The following FAT3 variants were observed in gnomAD, a reference collection of about 807,000 sequenced individuals.
The protein encoded by FAT3 is FAT atypical cadherin 3, also known as protocadherin Fat 3.
A neutral mutation model predicts 310.2 loss-of-function variants in FAT3; 95 were observed. The observed-to-expected ratio is 0.31, with a 90% CI of 0.26 to 0.36. The LOEUF (loss-of-function observed/expected upper bound fraction) is 0.36, where lower values mean the gene tolerates loss of function less well. Among genes scored for constraint, FAT3 ranks in the 10% least tolerant of loss-of-function variants. The pLI, the probability that FAT3 is intolerant of heterozygous loss-of-function variation, is 1.00. For synonymous variants in FAT3, 2,314 were observed against 2,192.9 expected, an observed-to-expected ratio of 1.06 and a Z score of -1.54; for missense variants, 5,408 against 5,715.6, an observed-to-expected ratio of 0.95 and a Z score of 1.74.
At chr11:92,704,280 G>A (rs1439363434) in intron 4 of FAT3, among the ~76,000 whole-genome samples, 2 of 152,110 alleles carry the variant, frequency 1.3e-5, no homozygotes, top group Non-Finnish European at 2.9e-5. Flanking sequence ...ACCCAGCTCT[G>A]GACAAGGCTC....
intron 7 of FAT3, among the ~76,000 whole-genome samples, chr11:92,784,783 T>C (rs918567929): frequency 6.6e-6 from 1 of 152,098 alleles, no homozygotes; most frequent in African/African-American, 2.4e-5. Context: ...TGACTGTAGA[T>C]TAGGCGTAAG....
chr11:92,438,268 C>G (rs1347107260), intron 2 of FAT3, among the ~76,000 whole-genome samples: 3 of 152,058 alleles, frequency 2.0e-5, no homozygotes, highest in Non-Finnish European at 4.4e-5. Flanking sequence ...CCTTTGTGAT[C>G]TATGATTTTA....
chr11:92,354,440 T>C lies in FAT3; in HGVS notation c.2328T>C (p.Ile776=), dbSNP rs752332215. 1.2e-6 allele frequency: 2 copies of C among 1,613,770 alleles called. No individual in the cohort carries two copies. Among genetic ancestry groups the C allele is most frequent in the Non-Finnish European group, 1.7e-6 (2 of 1,179,854 alleles). ...SDGNTDSCFN[I]DMETGQLKVL... ...GAAATACGGATAGTTGCTTTAATAT[T>C]GATATGGAGACTGGGCAGCTTAAAG... Residue 776 remains isoleucine, a synonymous_variant, in exon 2 of 28, where the codon ATT becomes ATC. Coordinates refer to ENST00000525166, the MANE Select transcript of FAT3 (RefSeq NM_001367949.2).
At chr11:92,364,533 T>C (rs963076257) in intron 2 of FAT3, among the ~76,000 whole-genome samples, 1 of 152,242 alleles carries the variant, frequency 6.6e-6, no homozygotes, top group South Asian at 2.1e-4. Flanking sequence ...GGAAGAATTA[T>C]AGAGTTTGAT....
intron 22 of FAT3, among the ~76,000 whole-genome samples, chr11:92,878,634 T>TAAAAAAAAAAAAAAAAAAAAAAA (rs145900689): frequency 1.9e-4 from 4 of 21,230 alleles, no homozygotes; most frequent in African/African-American, 2.8e-4. Context: ...TGTTATGTGT[T>TAAAAAAAAAAAAAAAAAAAAAAA]AAAAAAAAAA....
At chr11:92,267,052 A>ACACTGCCTTGCCTGT (rs145567303) in intron 1 of FAT3, among the ~76,000 whole-genome samples, 28,958 of 151,862 alleles carry the variant, frequency 0.19, 3,242 homozygotes, top group African/African-American at 0.31. Context: ...TGCCTGCCTG[A>ACACTGCCTTGCCTGT]CACTGCCTTG....
chr11:92,764,746 C>G, intron 5 of FAT3, 133 bp from the exon 6 acceptor site: 1 of 788,170 alleles, frequency 1.3e-6, no homozygotes, highest in African/African-American at 1.7e-5. Context: ...CTCCCCAGAC[C>G]TCTGCTCCTT....
In FAT3 at chr11:92,440,822, A is replaced by G. The variant is rs138571308; in HGVS notation, c.3293-83812A>G. Among the ~76,000 whole-genome samples, 68 of 152,316 alleles carry G rather than the reference A, an allele frequency of 4.5e-4. 1 individual carries two copies. The highest frequency in any genetic ancestry group is 1.6e-3 in the African/African-American group (66 of 41,578). On this transcript the variant is annotated intron_variant, in intron 2 of 27. Coordinates refer to ENST00000525166, the MANE Select transcript of FAT3 (RefSeq NM_001367949.2). ...AAACATGCATTAACCTGAGAAGTAT[A>G]ATGGAATAGGCTTGCCTTTGTAAGT...
intron 3 of FAT3, among the ~76,000 whole-genome samples, chr11:92,539,687 T>A (rs1305145766): frequency 4.6e-5 from 7 of 152,262 alleles, no homozygotes; most frequent in Non-Finnish European, 7.4e-5. Context: ...GGAATTTTAG[T>A]CATATCTATT....
rs185715922 is a variant in FAT3, at chr11:92,439,089, A to G, written c.3292+83685A>G. Among the ~76,000 whole-genome samples, 731 of 152,344 alleles carry G rather than the reference A, an allele frequency of 4.8e-3. 2 individuals carry two copies. The highest frequency in any genetic ancestry group is 6.6e-3 in the Non-Finnish European group (446 of 68,032). The stretch of plus-strand genomic sequence containing the variant: ...TGGGAGAGGCTTACTTTGTTTTTGC[A>G]AAAGCATCAAGAATTTCAAAATCAA... On this transcript the variant is annotated intron_variant, in intron 2 of 27. Transcript: ENST00000525166.
intron 2 of FAT3, among the ~76,000 whole-genome samples, chr11:92,409,551 A>T (rs1481099063): frequency 6.6e-6 from 1 of 152,170 alleles, no homozygotes; most frequent in Non-Finnish European, 1.5e-5. Flanking sequence ...CCTGTAGAGC[A>T]CTTGTCAGTT....
chr11:92,283,254 T>A (rs1364339222), intron 1 of FAT3, among the ~76,000 whole-genome samples: 2 of 152,208 alleles, frequency 1.3e-5, no homozygotes, highest in Non-Finnish European at 2.9e-5. Flanking sequence ...GACTTATTAG[T>A]CAGTGACAAG....
intron 3 of FAT3, among the ~76,000 whole-genome samples, chr11:92,553,581 C>T (rs1023299435): frequency 6.6e-6 from 1 of 152,206 alleles, no homozygotes; most frequent in Non-Finnish European, 1.5e-5. Context: ...AATGAAGGAA[C>T]CTGGGCCTTG....
intron 4 of FAT3, among the ~76,000 whole-genome samples, chr11:92,715,109 TATTAAA>T (rs1195947615): frequency 6.6e-6 from 1 of 151,698 alleles, no homozygotes; most frequent in Admixed American, 6.6e-5. Flanking sequence ...GTTCTGGGAA[TATTAAA>T]ATTAAATTGG....
At chr11:92,703,219 G>T (rs1350242309) in intron 4 of FAT3, among the ~76,000 whole-genome samples, 3 of 152,082 alleles carry the variant, frequency 2.0e-5, no homozygotes, top group African/African-American at 7.2e-5. Context: ...CTTGCCTTAG[G>T]ATGCAAATTG....
chr11:92,353,871 A>G lies in FAT3; in HGVS notation c.1759A>G (p.Ile587Val), dbSNP rs766563317. The change falls in exon 2 of 28, where the codon ATT becomes GTT. Residue 587 changes from isoleucine to valine, a missense_variant. Around this residue, in one of 5 missense-constraint regions of FAT3, gnomAD observed 4,588 missense variants for 4,809.8 expected, o/e 0.95. Coordinates refer to ENST00000525166, the MANE Select transcript of FAT3 (RefSeq NM_001367949.2). ...LFEKVACQGV[I>V]SYDFPVGGHI... ...TGAAAAAGTGGCTTGCCAGGGAGTT[A>G]TTTCATATGACTTTCCAGTTGGTGG... The G allele has an allele frequency of 1.9e-6, 3 of 1,613,526 alleles. No homozygotes were observed. The highest frequency in any genetic ancestry group is 2.5e-6 in the Non-Finnish European group (3 of 1,179,674).
chr11:92,353,463 G>A lies in FAT3; in HGVS notation c.1351G>A (p.Glu451Lys), dbSNP rs867575086. The change falls in exon 2 of 28, where the codon GAA becomes AAA. Residue 451 changes from glutamate to lysine, a missense_variant. Glu to Lys is a moderately conservative substitution (Grantham distance 56, BLOSUM62 1). Transcript: ENST00000525166. ...EVYKLEVTNK[E>K]GDLKAQVTIS... is the part of the protein sequence containing the mutation. ...TTATAAACTGGAGGTGACAAACAAG[G>A]AAGGAGATTTAAAAGCACAGGTCAC... 1.2e-6 allele frequency: 2 copies of A among 1,613,482 alleles called. No homozygotes were observed. The highest frequency in any genetic ancestry group is 1.7e-6 in the Non-Finnish European group (2 of 1,179,748).
At chr11:92,789,222 C>A (rs186744556) in intron 7 of FAT3, among the ~76,000 whole-genome samples, 2 of 151,958 alleles carry the variant, frequency 1.3e-5, no homozygotes, top group Admixed American at 6.6e-5. Flanking sequence ...TTTAAAATAA[C>A]GTGGGAATAG....
intron 1 of FAT3, among the ~76,000 whole-genome samples, chr11:92,305,277 G>A (rs1003798536): frequency 4.6e-5 from 7 of 152,036 alleles, no homozygotes; most frequent in Non-Finnish European, 8.8e-5. Context: ...AATTTTCATA[G>A]TTGTTTTTCT....
Sources: allele counts gnomAD v4.1 joint callset (sites outside exome capture counted in the v4.1 genomes callset), GRCh38; gene constraint gnomAD v4.1.1; regional missense constraint gnomAD v4.1.1; transcripts MANE v1.5; gene names NCBI Gene and HGNC (gene_info 2026-07-23, HGNC 2026-07-21).